Variants in ZNF536 observed in about 807,000 individuals in gnomAD.
ZNF536 encodes the protein zinc finger protein 536.
ZNF536 carries 13 observed loss-of-function variants against 84.5 expected under a neutral mutation model. The ratio of observed to expected loss-of-function variants is 0.15; its 90% CI spans 0.10 to 0.24. The LOEUF (loss-of-function observed/expected upper bound fraction) is 0.24, where lower values mean the gene tolerates loss of function less well. Ranked by LOEUF, ZNF536 falls within the 10% of genes least tolerant of loss-of-function variation. The pLI is 1.00. For missense variants in ZNF536, 1,536 were observed against 1,747.5 expected (o/e 0.88, Z 2.16); for synonymous variants, 811 against 742.5 (o/e 1.09, Z -1.50).
intron 1 of ZNF536, among the ~76,000 whole-genome samples, chr19:30,402,196 T>C (rs1367581489): frequency 6.6e-6 from 1 of 152,058 alleles, no homozygotes; most frequent in Non-Finnish European, 1.5e-5. Context: ...TTTAATTAGC[T>C]GCACAACAAT....
chr19:30,500,441 C>A (rs955836547), intron 2 of ZNF536, among the ~76,000 whole-genome samples: 1 of 151,412 alleles, frequency 6.6e-6, no homozygotes, highest in East Asian at 1.9e-4. Context: ...GGTCTCACAA[C>A]CCCGGGCTCA....
chr19:30,266,890 G>A (rs2025541868), intron 1 of ZNF536, among the ~76,000 whole-genome samples: 1 of 152,140 alleles, frequency 6.6e-6, no homozygotes, highest in African/African-American at 2.4e-5. Context: ...AATTGATAAA[G>A]AAGGAACTCT....
intron 1 of ZNF536, among the ~76,000 whole-genome samples, chr19:30,653,361 CAG>C (rs2049782581): frequency 6.6e-6 from 1 of 152,254 alleles, no homozygotes; most frequent in Admixed American, 6.5e-5. Flanking sequence ...CAAGCAGACA[CAG>C]GGCATGGAAG....
chr19:30,384,575 G>C (rs1159068011), intron 1 of ZNF536, among the ~76,000 whole-genome samples: 2 of 151,644 alleles, frequency 1.3e-5, no homozygotes, highest in Non-Finnish European at 2.9e-5. Context: ...GGACCTTCAG[G>C]CATCGATGTG....
intron 2 of ZNF536, among the ~76,000 whole-genome samples, chr19:30,492,267 G>A (rs1204626806): frequency 1.3e-5 from 2 of 152,182 alleles, no homozygotes; most frequent in East Asian, 1.9e-4. Context: ...TAGAAATTGC[G>A]TTTTTATTAT....
At chr19:30,534,177 T>A (rs945554643) in intron 2 of ZNF536, among the ~76,000 whole-genome samples, 5 of 152,224 alleles carry the variant, frequency 3.3e-5, no homozygotes, top group African/African-American at 1.2e-4. Context: ...TGCTGTAAGT[T>A]TATGGGAGTT....
chr19:30,404,826 C>A (rs8111431), intron 1 of ZNF536, among the ~76,000 whole-genome samples: 85,985 of 151,988 alleles, frequency 0.57, 25,011 homozygotes, highest in Non-Finnish European at 0.62. Context: ...CCACAGGTTG[C>A]GAGCTCAGTC....
At chr19:30,521,858 T>TG (rs1244014939) in intron 2 of ZNF536, among the ~76,000 whole-genome samples, 1 of 152,124 alleles carries the variant, frequency 6.6e-6, no homozygotes, top group African/African-American at 2.4e-5. Flanking sequence ...GTCACCCATG[T>TG]GGATATATCA....
intron 2 of ZNF536, among the ~76,000 whole-genome samples, chr19:30,286,689 A>C (rs2045643249): frequency 6.6e-6 from 1 of 152,222 alleles, no homozygotes; most frequent in South Asian, 2.1e-4. Flanking sequence ...TATGCAATCA[A>C]CTGAAATCAG....
intron 3 of ZNF536, among the ~76,000 whole-genome samples, chr19:30,537,267 G>A (rs1294597060): frequency 2.0e-5 from 3 of 152,300 alleles, no homozygotes; most frequent in African/African-American, 7.2e-5. Context: ...TGATGCCAAT[G>A]TCCATTTTCC....
chr19:30,612,755 T>G (rs1251305403), intron 1 of ZNF536, among the ~76,000 whole-genome samples: 1 of 152,222 alleles, frequency 6.6e-6, no homozygotes, highest in Admixed American at 6.5e-5. Flanking sequence ...CCCTAAATGC[T>G]AACGTCTTAC....
chr19:30,345,902 G>A (rs2047726601), intron 2 of ZNF536, among the ~76,000 whole-genome samples: 1 of 152,332 alleles, frequency 6.6e-6, no homozygotes, highest in African/African-American at 2.4e-5. Flanking sequence ...AATTGGGACC[G>A]GGAGGCATCA....
intron 1 of ZNF536, among the ~76,000 whole-genome samples, chr19:30,703,790 A>G (rs138260765): frequency 1.3e-4 from 20 of 152,252 alleles, no homozygotes; most frequent in African/African-American, 4.6e-4. Flanking sequence ...TCATTTACCA[A>G]TGTGTCACAT....
chr19:30,584,430 G>T (rs184767630), intron 1 of ZNF536, among the ~76,000 whole-genome samples: 237 of 152,322 alleles, frequency 1.6e-3, no homozygotes, highest in African/African-American at 5.6e-3. Context: ...TGGCTCCCCC[G>T]ATGGCCCTGC....
chr19:30,656,040 TA>T (rs376938985), intron 1 of ZNF536, among the ~76,000 whole-genome samples: 81 of 145,612 alleles, frequency 5.6e-4, no homozygotes, highest in East Asian at 1.2e-3. Context: ...CCGTGTTTCA[TA>T]AAAAAAAAAA....
chr19:30,667,575 CTG>C (rs1171029064), intron 1 of ZNF536, among the ~76,000 whole-genome samples: 1 of 146,060 alleles, frequency 6.8e-6, no homozygotes, highest in African/African-American at 2.5e-5. Context: ...CTGACCATGA[CTG>C]TGTATAAAAC....
intron 1 of ZNF536, among the ~76,000 whole-genome samples, chr19:30,405,534 G>A (rs1568397521): frequency 6.6e-6 from 1 of 152,058 alleles, no homozygotes; most frequent in Admixed American, 6.5e-5. Context: ...TGGGTCTGAT[G>A]AGCCATCAGA....
rs1410437270 is a variant in ZNF536, at chr19:30,228,806, G to T, written c.-190+133G>T. ...CTGGGCGGCTGGGCGGCGGGAGGAC[G>T]GCCTCCGCGGGCTCCGGGACTGCCC... On this transcript the variant is annotated intron_variant, in intron 1 of 5. Transcript: ENST00000585628. The surrounding 1 kb of genome is among the most constrained non-coding windows in gnomAD (Gnocchi z 4.5). The T allele has an allele frequency of 2.6e-5, 4 of 151,244 alleles. 1 individual carries two copies. The highest frequency in any genetic ancestry group is 4.1e-4 in the South Asian group (2 of 4,834). 9.4% of individuals were successfully genotyped at this position (151,244 alleles called of 1,614,324 possible).
intron 1 of ZNF536, among the ~76,000 whole-genome samples, chr19:30,591,255 G>C (rs2047268251): frequency 1.3e-5 from 2 of 152,208 alleles, no homozygotes; most frequent in South Asian, 4.1e-4. Flanking sequence ...GTGCAGGACT[G>C]CCACTGCCTT....
Sources: allele counts gnomAD v4.1 joint callset (sites outside exome capture counted in the v4.1 genomes callset), GRCh38; gene constraint gnomAD v4.1.1; non-coding constraint Gnocchi (gnomAD v3.1); transcripts MANE v1.5; gene names NCBI Gene and HGNC (gene_info 2026-07-23, HGNC 2026-07-21).